CLCNKA: variants seen among roughly 807,000 people sequenced by gnomAD.
The protein encoded by CLCNKA is chloride voltage-gated channel Ka.
Under a neutral mutation model 83.3 loss-of-function variants are expected in CLCNKA, and 66 were observed. The observed-to-expected ratio is 0.79, with a 90% CI of 0.65 to 0.97. The LOEUF is 0.97. Ranked by LOEUF, CLCNKA falls within the 50% of genes least tolerant of loss-of-function variation. The pLI is 0.00. For synonymous variants in CLCNKA, 357 were observed against 370.4 expected (o/e 0.96, Z 0.42); for missense variants, 806 against 888.7 (o/e 0.91, Z 1.18).
intron 4 of CLCNKA, 97 bp from the exon 5 acceptor site, chr1:16,026,011 C>A (rs2022329881): frequency 4.5e-6 from 7 of 1,557,214 alleles, no homozygotes; most frequent in Non-Finnish European, 6.2e-6. Context: ...GCCTCGGCCT[C>A]CCAAAGTGCT....
intron 3 of CLCNKA, among the ~76,000 whole-genome samples, chr1:16,024,415 T>C (rs955539068): frequency 2.0e-5 from 3 of 152,226 alleles, no homozygotes; most frequent in African/African-American, 7.2e-5. Flanking sequence ...TGTTTGGTGC[T>C]TCACACCTGT....
chr1:16,026,035 T>TGA (rs1476930114), intron 4 of CLCNKA, 73 bp from the exon 5 acceptor site: 7 of 1,597,646 alleles, frequency 4.4e-6, no homozygotes, highest in Non-Finnish European at 6.0e-6. Flanking sequence ...ATTACAGGCG[T>TGA]GAGCCACTGC....
intron 4 of CLCNKA, among the ~76,000 whole-genome samples, chr1:16,025,157 G>A (rs1039944374): frequency 1.2e-4 from 19 of 152,166 alleles, no homozygotes; most frequent in Non-Finnish European, 2.4e-4. Context: ...AGGAGGTGCC[G>A]CTCCCTCAGG....
rs754774466 is a variant in CLCNKA at position 16,026,794 on chromosome 1, C to A, written c.655+19C>A. 3 of 1,604,360 alleles carry A rather than the reference C, an allele frequency of 1.9e-6. No individual in the cohort carries two copies. The highest frequency in any genetic ancestry group is 2.6e-6 in the Non-Finnish European group (3 of 1,171,294). ...TTCAGCGGTGAGACCCCCCTCATGC[C>A]CCGCCCCCTGGGTCCCTCAAGCTCC... On this transcript the variant is annotated intron_variant, in intron 7 of 19. Coordinates refer to ENST00000331433, the MANE Select transcript of CLCNKA (RefSeq NM_004070.4).
chr1:16,028,190 C>T, intron 10 of CLCNKA, 71 bp downstream of exon 10: 1 of 1,416,444 alleles, frequency 7.1e-7, no homozygotes, highest in Non-Finnish European at 1.0e-6. Flanking sequence ...ATGTAGAAAG[C>T]CCCACCCCCA....
intron 3 of CLCNKA, among the ~76,000 whole-genome samples, chr1:16,024,507 C>T (rs565605376): frequency 9.2e-5 from 14 of 152,322 alleles, no homozygotes; most frequent in African/African-American, 3.4e-4. Context: ...ATCACTAGCC[C>T]ACTTGGCAGA....
At chr1:16,022,776 C>A in intron 2 of CLCNKA, 57 bp downstream of exon 2, 1 of 1,249,572 alleles carries the variant, frequency 8.0e-7, no homozygotes, top group Non-Finnish European at 1.1e-6. Context: ...ATCATTCCTG[C>A]CTGGCTCCCA....
intron 14 of CLCNKA, 41 bp from the exon 15 acceptor site, chr1:16,030,420 C>T (rs12729991): frequency 6.2e-7 from 1 of 1,608,762 alleles, no homozygotes; most frequent in East Asian, 2.2e-5. Context: ...CTGGCCCCTG[C>T]CTCCTGGCCT....
At position 16,032,478 on chromosome 1, in the gene CLCNKA, C is replaced by A. The variant is rs777894022; in HGVS notation, c.1881C>A (p.Pro627=). The A allele has an allele frequency of 6.2e-7, 1 of 1,613,338 alleles. No homozygotes were observed. The highest frequency in any genetic ancestry group is 8.5e-7 in the Non-Finnish European group (1 of 1,179,962). Residue 627 remains proline (P), a synonymous_variant, in exon 18 of 20, where the codon CCC becomes CCA. Transcript: ENST00000331433. Reference sequence around the variant, plus strand: ...AGGACATCTTGGCCAGGGGCTGCCCCACGGAACCAGTGACCCTGACGCTAT... The same window carrying A: ...AGGACATCTTGGCCAGGGGCTGCCCAACGGAACCAGTGACCCTGACGCTAT... ...CLQDILARGC[P]TEPVTLTLFS... is the part of the protein sequence containing the mutation.
chr1:16,029,972 C>T lies in CLCNKA; in HGVS notation c.1305C>T (p.Ala435=), dbSNP rs775869625. The part of the protein sequence containing the change: ...YFMPIFILGA[A]IGRLLGEALA... ...CCCTAAGTCTGTGGCCAGGAGCTGC[C>T]ATCGGGCGCCTCTTGGGAGAGGCTC... Residue 435 remains alanine, a synonymous_variant, in exon 14 of 20, where the codon GCC becomes GCT. Coordinates refer to ENST00000331433, the MANE Select transcript of CLCNKA (RefSeq NM_004070.4). 5.2e-5 allele frequency: 84 copies of T among 1,611,184 alleles called. No homozygotes were observed. In the African/African-American group the frequency reaches 7.2e-4, roughly 14 times the overall value.
rs1010069 is a variant in CLCNKA, at chr1:16,026,442, G to A, written c.499-94G>A. 0.47 allele frequency: 733,730 copies of A among 1,551,842 alleles called. 177,589 individuals are homozygous for A. Among genetic ancestry groups the A allele is most frequent in the East Asian group, 0.74 (32,305 of 43,902 alleles). On this transcript the variant is annotated intron_variant, in intron 5 of 19. Transcript: ENST00000331433. ...ACCTGAGGACAGCCCTGGGGGTTGG[G>A]GAGATGGAGGAGGGGGTGTGGTGGG...
intron 7 of CLCNKA, 143 bp downstream of exon 7, chr1:16,026,918 A>AC (rs1380106303): frequency 3.6e-6 from 4 of 1,112,914 alleles, no homozygotes; most frequent in South Asian, 1.4e-5. Context: ...GGGTATAGCC[A>AC]CCCCCCGGGG....
intron 16 of CLCNKA, 33 bp from the exon 17 acceptor site, chr1:16,032,170 G>A (rs749395623): frequency 5.0e-6 from 8 of 1,587,514 alleles, no homozygotes; most frequent in Non-Finnish European, 6.9e-6. Context: ...TCTTCATAAT[G>A]CACCTCCCTC....
At chr1:16,031,595 TCA>T in intron 15 of CLCNKA, 113 bp from the exon 16 acceptor site, 1 of 1,483,120 alleles carries the variant, frequency 6.7e-7, no homozygotes, top group African/African-American at 1.4e-5. Flanking sequence ...CCAGCCCTGC[TCA>T]CACTCCAGAG....
At position 16,022,630 on chromosome 1, in the gene CLCNKA, T is replaced by A. The variant is rs2022178212; in HGVS notation, c.11T>A (p.Leu4Ter). ...TTCTCCAGGGGCCTGATGGAGGAGT[T>A]GGTGGGGCTGCGTGAGGGCTTCTCA... MEE[L>*]VGLREGFSGD... The change falls in exon 2 of 20, where the codon TTG (leucine) becomes TAG (stop). Residue 4 changes from leucine (L) to a stop codon, truncating the protein, a stop_gained. Coordinates refer to ENST00000331433, the MANE Select transcript of CLCNKA (RefSeq NM_004070.4). LOFTEE classifies it high-confidence loss of function. 1 of 1,565,992 alleles carries A rather than the reference T, an allele frequency of 6.4e-7. No homozygotes were observed. The highest frequency in any genetic ancestry group is 8.7e-7 in the Non-Finnish European group (1 of 1,154,842).
chr1:16,024,218 C>T (rs1043749737), intron 3 of CLCNKA, among the ~76,000 whole-genome samples: 5 of 152,374 alleles, frequency 3.3e-5, no homozygotes, highest in South Asian at 4.1e-4. Context: ...TTCCCTCCTC[C>T]GTGCCTTGGG....
In CLCNKA at chr1:16,022,631, G is replaced by A; in HGVS notation, c.12G>A (p.Leu4=). 2 of 1,566,410 alleles carry A rather than the reference G, an allele frequency of 1.3e-6. No homozygotes were observed. The highest frequency in any genetic ancestry group is 4.7e-5 in the East Asian group (2 of 42,828). The change falls in exon 2 of 20, where the codon TTG becomes TTA. Residue 4 remains leucine (L), a synonymous_variant. Transcript: ENST00000331433. MEE[L]VGLREGFSGD... ...TCTCCAGGGGCCTGATGGAGGAGTT[G>A]GTGGGGCTGCGTGAGGGCTTCTCAG...
In CLCNKA at chr1:16,029,256, G is replaced by T. The variant is rs770706446; in HGVS notation, c.1184G>T (p.Arg395Leu). ...QHLWWEWYHP[R>L]FTIFGTLAFF... ...CTTTGGTGGGAATGGTACCACCCGC[G>T]GTTCACCATCTTTGGGACCCTTGCC... is the stretch of plus-strand genomic sequence containing the variant. The change falls in exon 12 of 20, where the codon CGG becomes CTG. Residue 395 changes from arginine (R) to leucine (L), a missense_variant. Arg to Leu is a moderately radical substitution (Grantham distance 102, BLOSUM62 -2). Transcript: ENST00000331433. 6.2e-7 allele frequency: 1 copy of T among 1,613,756 alleles called. No homozygotes were observed. The highest frequency in any genetic ancestry group is 1.7e-5 in the Admixed American group (1 of 60,000).
chr1:16,030,951 C>G (rs2022600558), intron 15 of CLCNKA, among the ~76,000 whole-genome samples: 1 of 152,180 alleles, frequency 6.6e-6, no homozygotes, highest in African/African-American at 2.4e-5. Flanking sequence ...ATTGAGGAAA[C>G]CAGAGCTCAG....
Sources: allele counts gnomAD v4.1 joint callset (sites outside exome capture counted in the v4.1 genomes callset), GRCh38; gene constraint gnomAD v4.1.1; transcripts MANE v1.5; gene names NCBI Gene and HGNC (gene_info 2026-07-23, HGNC 2026-07-21).